DAB1: variants seen among roughly 807,000 people sequenced by gnomAD.
The protein encoded by DAB1 is disabled homolog 1.
DAB1 carries 15 observed loss-of-function variants against 64.6 expected under a neutral mutation model. The observed-to-expected ratio is 0.23, with a 90% CI of 0.16 to 0.36. DAB1 has a LOEUF of 0.36. Among genes scored for constraint, DAB1 ranks in the 10% least tolerant of loss-of-function variants. The pLI is 1.00. For synonymous variants in DAB1, 235 were observed against 251.9 expected (o/e 0.93, Z 0.64); for missense variants, 596 against 706.7 (o/e 0.84, Z 1.78).
chr1:57,007,039 T>C (rs1026317720), intron 14 of DAB1, among the ~76,000 whole-genome samples: 2 of 152,020 alleles, frequency 1.3e-5, no homozygotes, highest in African/African-American at 4.8e-5. Context: ...TCTCTCTCTC[T>C]CTTCCTCTCT....
intron 5 of DAB1, among the ~76,000 whole-genome samples, chr1:58,059,233 G>A (rs1439285440): frequency 6.6e-6 from 1 of 152,198 alleles, no homozygotes; most frequent in East Asian, 1.9e-4. Flanking sequence ...CCATGAGCAT[G>A]GGCTCTCAGC....
chr1:57,280,518 C>A (rs114408628), intron 2 of DAB1, among the ~76,000 whole-genome samples: 55 of 152,294 alleles, frequency 3.6e-4, no homozygotes, highest in African/African-American at 1.3e-3. Flanking sequence ...TATACGTAAC[C>A]AGACTCACAG....
intron 7 of DAB1, among the ~76,000 whole-genome samples, chr1:57,456,803 C>T (rs1686611713): frequency 6.6e-6 from 1 of 152,100 alleles, no homozygotes; most frequent in African/African-American, 2.4e-5. Flanking sequence ...TTAGCTATCT[C>T]CTCTTTGATT....
chr1:57,373,624 A>G (rs748327235), intron 1 of DAB1, among the ~76,000 whole-genome samples: 1 of 152,138 alleles, frequency 6.6e-6, no homozygotes, highest in Non-Finnish European at 1.5e-5. Context: ...CCCATGCTCT[A>G]CTTTTATTAT....
intron 7 of DAB1, among the ~76,000 whole-genome samples, chr1:57,455,022 G>A (rs1240601911): frequency 6.6e-6 from 1 of 152,040 alleles, no homozygotes; most frequent in Non-Finnish European, 1.5e-5. Context: ...ATAGGGAGAG[G>A]ACAACTAGGG....
intron 5 of DAB1, among the ~76,000 whole-genome samples, chr1:57,983,467 G>A (rs1222881355): frequency 1.3e-5 from 2 of 152,156 alleles, no homozygotes; most frequent in Admixed American, 6.5e-5. Flanking sequence ...CAGAGTAGAA[G>A]AGGACCATAG....
rs1397520467 is a variant in DAB1, at chr1:57,552,050, TC to T, written n.625+97541del. On this transcript the variant is annotated intron_variant and non_coding_transcript_variant, in intron 7 of 20. Coordinates refer to the DAB1 transcript ENST00000485760. ...CAGTGAGGAAAGCTTCTCCTAGGCA[TC>T]CCCCGTTTTCCTCCTGTACATCGCA... Among the ~76,000 whole-genome samples the T allele has an allele frequency of 2.0e-5, 3 of 152,134 alleles. No individual in the cohort carries two copies. In the South Asian group the frequency reaches 6.2e-4, roughly 32 times the overall value.
At chr1:57,787,473 G>A (rs1650388529) in intron 6 of DAB1, among the ~76,000 whole-genome samples, 1 of 151,166 alleles carries the variant, frequency 6.6e-6, no homozygotes, top group Non-Finnish European at 1.5e-5. Flanking sequence ...CATTTGCAAA[G>A]GAAAAAACAT....
chr1:58,401,195 A>G (rs1180797034), intron 3 of DAB1, among the ~76,000 whole-genome samples: 1 of 152,218 alleles, frequency 6.6e-6, no homozygotes, highest in African/African-American at 2.4e-5. Flanking sequence ...AGGAAAAGTC[A>G]AAGTCCTTCC....
intron 4 of DAB1, among the ~76,000 whole-genome samples, chr1:57,122,918 G>T (rs1373627335): frequency 6.6e-6 from 1 of 151,930 alleles, no homozygotes; most frequent in East Asian, 1.9e-4. Context: ...CTGAATTTTT[G>T]CAAAATATCT....
chr1:57,819,591 C>T (rs1652023375), intron 6 of DAB1, among the ~76,000 whole-genome samples: 1 of 152,148 alleles, frequency 6.6e-6, no homozygotes, highest in Non-Finnish European at 1.5e-5. Flanking sequence ...TCTTTGCTGG[C>T]AAATTCATTT....
At chr1:57,769,512 C>A (rs1649464414) in intron 6 of DAB1, among the ~76,000 whole-genome samples, 2 of 152,082 alleles carry the variant, frequency 1.3e-5, no homozygotes, top group Admixed American at 6.6e-5. Context: ...AGATTTGATT[C>A]TTTGCTGGTG....
At chr1:58,305,231 A>G (rs1662278814) in intron 4 of DAB1, among the ~76,000 whole-genome samples, 1 of 152,156 alleles carries the variant, frequency 6.6e-6, no homozygotes, top group South Asian at 2.1e-4. Context: ...TGTGCCCTGC[A>G]AAAAATAAGT....
intron 1 of DAB1, among the ~76,000 whole-genome samples, chr1:57,347,575 C>T (rs1433417139): frequency 1.3e-5 from 2 of 152,174 alleles, no homozygotes; most frequent in Non-Finnish European, 2.9e-5. Context: ...CATCAAAGCA[C>T]TCTTCAGCCT....
rs184370107 is a variant in DAB1, at chr1:57,089,006, G to A, written c.307-16592C>T. Among the ~76,000 whole-genome samples, 164 of 152,250 alleles carry A rather than the reference G, an allele frequency of 1.1e-3. 2 individuals are homozygous for A. The highest frequency in any genetic ancestry group is 7.4e-5 in the Non-Finnish European group (5 of 68,018). The stretch of plus-strand genomic sequence containing the variant: ...ACCCTGGAGCCAGAGGTCAAACGCT[G>A]GCCTTTCACTCACAAGCAATGTACA... On this transcript the variant is annotated intron_variant, in intron 4 of 14. Transcript: ENST00000371236.
intron 4 of DAB1, among the ~76,000 whole-genome samples, chr1:57,109,935 C>T (rs184880902): frequency 5.7e-4 from 86 of 152,196 alleles, no homozygotes; most frequent in African/African-American, 2.0e-3. Context: ...TGCATGTTAC[C>T]TCCCAGGGAA....
At chr1:58,119,211 A>G (rs1276767690) in intron 5 of DAB1, among the ~76,000 whole-genome samples, 2 of 123,138 alleles carry the variant, frequency 1.6e-5, no homozygotes, top group Non-Finnish European at 3.3e-5. Flanking sequence ...AAAATCAAAT[A>G]TTGTGTGTGT....
At chr1:57,668,833 T>C (rs574996634) in intron 6 of DAB1, among the ~76,000 whole-genome samples, 46 of 152,260 alleles carry the variant, frequency 3.0e-4, no homozygotes, top group African/African-American at 9.6e-4. Flanking sequence ...GAAGAGTTTT[T>C]GGACTTATTA....
chr1:58,129,865 C>T (rs1344858504), intron 5 of DAB1, among the ~76,000 whole-genome samples: 2 of 149,052 alleles, frequency 1.3e-5, no homozygotes, highest in Admixed American at 6.7e-5. Context: ...CTGAGGAGAG[C>T]TTTACTTCCA....
Sources: gnomAD v4.1 joint callset for allele counts (sites outside exome capture counted in the v4.1 genomes callset) on GRCh38, gnomAD v4.1.1 for gene constraint, MANE v1.5 for transcripts, NCBI Gene and HGNC (gene_info 2026-07-23, HGNC 2026-07-21) for gene names.